Variants in EPB41L4A observed in about 807,000 individuals in gnomAD.
EPB41L4A encodes the protein erythrocyte membrane protein band 4.1 like 4A.
Under a neutral mutation model 108.6 loss-of-function variants are expected in EPB41L4A, and 100 were observed. The observed-to-expected ratio is 0.92, with a 90% CI of 0.78 to 1.09. The LOEUF (loss-of-function observed/expected upper bound fraction) is 1.09. Among genes scored for constraint, EPB41L4A ranks in the 50% least tolerant of loss-of-function variants. The pLI is 0.00. For missense variants in EPB41L4A, 1,030 were observed against 842.7 expected, an observed-to-expected ratio of 1.22 and a Z score of -2.75; for synonymous variants, 319 against 289.0, an observed-to-expected ratio of 1.10 and a Z score of -1.05.
At chr5:112,280,470 AAG>A (rs1752898685) in intron 2 of EPB41L4A, 147 bp from the exon 3 acceptor site, 5 of 710,544 alleles carry the variant, frequency 7.0e-6, no homozygotes, top group Non-Finnish European at 9.8e-6. Flanking sequence ...AAACATACAT[AAG>A]AGTTTTCTGC....
intron 15 of EPB41L4A, among the ~76,000 whole-genome samples, chr5:112,197,469 G>A (rs572800420): frequency 5.3e-5 from 8 of 152,224 alleles, no homozygotes; most frequent in Non-Finnish European, 7.4e-5. Flanking sequence ...CAATTATACC[G>A]AAATTGGTCA....
upstream of EPB41L4A, chr5:112,419,578 C>G (rs1331167370): frequency 4.4e-6 from 2 of 451,464 alleles, no homozygotes; most frequent in Admixed American, 2.4e-5. Flanking sequence ...CCCCGCAGCC[C>G]CGGGTCAGAT....
intron 17 of EPB41L4A, among the ~76,000 whole-genome samples, chr5:112,188,730 CA>C (rs1286321762): frequency 6.6e-6 from 1 of 152,166 alleles, no homozygotes; most frequent in African/African-American, 2.4e-5. Context: ...GCCCCTAAAT[CA>C]GGGGCAGGAC....
chr5:112,413,256 A>G, intron 1 of EPB41L4A, among the ~76,000 whole-genome samples: 1 of 152,218 alleles, frequency 6.6e-6, no homozygotes, highest in East Asian at 1.9e-4. Flanking sequence ...GCTGCTAGTC[A>G]GCTTTTCAAT....
At chr5:112,269,205 C>T (rs773786707) in intron 4 of EPB41L4A, among the ~76,000 whole-genome samples, 7 of 151,930 alleles carry the variant, frequency 4.6e-5, no homozygotes, top group African/African-American at 7.3e-5. Flanking sequence ...AAAATATCTA[C>T]TCAAACTTCC....
At chr5:112,358,447 G>A (rs1210209859) in intron 1 of EPB41L4A, among the ~76,000 whole-genome samples, 4 of 152,156 alleles carry the variant, frequency 2.6e-5, no homozygotes, top group Non-Finnish European at 5.9e-5. Flanking sequence ...CTTAATCTAA[G>A]ATCCTGATAC....
chr5:112,350,731 A>AT (rs1393338863), intron 1 of EPB41L4A, among the ~76,000 whole-genome samples: 1 of 152,202 alleles, frequency 6.6e-6, no homozygotes, highest in Non-Finnish European at 1.5e-5. Flanking sequence ...AACATGTGGT[A>AT]TCTTTCTGTG....
chr5:112,327,874 C>G (rs1756279922), intron 1 of EPB41L4A, among the ~76,000 whole-genome samples: 1 of 152,178 alleles, frequency 6.6e-6, no homozygotes, highest in Non-Finnish European at 1.5e-5. Flanking sequence ...CCAGTCAAAC[C>G]ATTCTTCATG....
intron 1 of EPB41L4A, among the ~76,000 whole-genome samples, chr5:112,362,950 T>C (rs1481354619): frequency 6.6e-6 from 1 of 152,212 alleles, no homozygotes; most frequent in Non-Finnish European, 1.5e-5. Context: ...CAGAAACCTT[T>C]ATTTTGGAAA....
intron 1 of EPB41L4A, among the ~76,000 whole-genome samples, chr5:112,347,719 G>A (rs1757776236): frequency 6.6e-6 from 1 of 152,214 alleles, no homozygotes; most frequent in African/African-American, 2.4e-5. Flanking sequence ...GAGAAAGAAT[G>A]TGAACTAGTG....
chr5:112,330,231 T>C (rs1350742104), intron 1 of EPB41L4A, among the ~76,000 whole-genome samples: 1 of 151,926 alleles, frequency 6.6e-6, no homozygotes, highest in Non-Finnish European at 1.5e-5. Context: ...GGATTTCATT[T>C]GCAGGGCAGT....
rs1479210695 is a variant in EPB41L4A at position 112,346,215 on chromosome 5, C to CTTTTTTTTTTTTTTTTT, written c.100-38726_100-38725insAAAAAAAAAAAAAAAAA. Among the ~76,000 whole-genome samples the CTTTTTTTTTTTTTTTTT allele has an allele frequency of 6.1e-4, 30 of 49,046 alleles. 2 individuals carry two copies. Among genetic ancestry groups the CTTTTTTTTTTTTTTTTT allele is most frequent in the African/African-American group, 1.3e-3 (28 of 22,088 alleles). The allele number at this position is 49,046 out of a possible 152,430, so 32.2% of individuals were successfully genotyped here. A position where few individuals can be genotyped will look rare whatever the true frequency, so the allele number is the denominator to read the frequency against. On this transcript the variant is annotated intron_variant, in intron 1 of 22. Transcript: ENST00000261486. ...AAATTCTTTAAAGTTAGGTACATTG[C>CTTTTTTTTTTTTTTTTT]ATTTTTTTTTTTTTTTTTTTTTTTT...
intron 12 of EPB41L4A, among the ~76,000 whole-genome samples, chr5:112,233,659 T>C (rs779083212): frequency 4.6e-5 from 7 of 152,180 alleles, no homozygotes; most frequent in Non-Finnish European, 1.0e-4. Context: ...GCGATACTTC[T>C]GCCCTAGCCT....
rs142374152 is a variant in EPB41L4A, at chr5:112,403,300, G to A, written c.99+15641C>T. Among the ~76,000 whole-genome samples, 102 of 147,196 alleles carry A rather than the reference G, an allele frequency of 6.9e-4. No individual in the cohort carries two copies. The East Asian group carries it at 0.019, about 27-fold the overall frequency. ...TTGGTTCGTTGAACAAAGATTTTTA[G>A]GAAATAATGATTTATCAAGGTCCTC... On this transcript the variant is annotated intron_variant, in intron 1 of 22. Coordinates refer to ENST00000261486, the MANE Select transcript of EPB41L4A (RefSeq NM_022140.5).
At position 112,184,155 on chromosome 5, in the gene EPB41L4A, T is replaced by A; in HGVS notation, c.1503-20A>T. 1 of 1,613,476 alleles carries A rather than the reference T, an allele frequency of 6.2e-7. No individual in the cohort carries two copies. Among genetic ancestry groups the A allele is most frequent in the Non-Finnish European group, 8.5e-7 (1 of 1,179,660 alleles). ...CGTATTCTGAAAGGAAAGCCATGCA[T>A]CTGAAGTTAACATCTACATGGATGG... On this transcript the variant is annotated intron_variant, in intron 17 of 22. Coordinates refer to ENST00000261486, the MANE Select transcript of EPB41L4A (RefSeq NM_022140.5).
Position 112,409,003 on chromosome 5 carries a change from A to C in EPB41L4A, c.99+9938T>G, listed in dbSNP as rs571367994. Among the ~76,000 whole-genome samples the C allele has an allele frequency of 2.0e-5, 3 of 152,248 alleles. No individual in the cohort carries two copies. In the East Asian group the frequency reaches 5.8e-4, roughly 29 times the overall value. On this transcript the variant is annotated intron_variant, in intron 1 of 22. Transcript: ENST00000261486. ...TAAAGCATTATTAAATTAAATGAGA[A>C]CATACATCTATACAAAAACTTGTAC...
chr5:112,303,095 C>A (rs1157510387), intron 2 of EPB41L4A, among the ~76,000 whole-genome samples: 1 of 152,148 alleles, frequency 6.6e-6, no homozygotes. Context: ...CTGTAATAAT[C>A]CAGCATGACA....
At chr5:112,353,505 C>T (rs1001928594) in intron 1 of EPB41L4A, among the ~76,000 whole-genome samples, 5 of 151,696 alleles carry the variant, frequency 3.3e-5, no homozygotes, top group African/African-American at 1.2e-4. Flanking sequence ...GGCCAGTCCC[C>T]AGGCAGCACA....
chr5:112,169,170 C>G (rs1760430918), intron 20 of EPB41L4A, 65 bp from the exon 21 acceptor site: 3 of 1,153,330 alleles, frequency 2.6e-6, no homozygotes, highest in Non-Finnish European at 2.6e-6. Context: ...AGTAGGAGTT[C>G]TTAATATTGA....
Sources: gnomAD v4.1 joint callset for allele counts (sites outside exome capture counted in the v4.1 genomes callset) on GRCh38, gnomAD v4.1.1 for gene constraint, MANE v1.5 for transcripts, NCBI Gene and HGNC (gene_info 2026-07-23, HGNC 2026-07-21) for gene names.